The following ALK variants were observed in gnomAD, a reference collection of about 807,000 sequenced individuals.
ALK encodes ALK receptor tyrosine kinase.
A neutral mutation model predicts 163.1 loss-of-function variants in ALK; 74 were observed. The observed-to-expected ratio is 0.45, with a 90% CI of 0.38 to 0.55. ALK has a LOEUF of 0.55. Among genes scored for constraint, ALK ranks in the 20% least tolerant of loss-of-function variants. The pLI is 0.00. For synonymous variants in ALK, 960 were observed against 843.2 expected (o/e 1.14, Z -2.40); for missense variants, 2,063 against 2,105.3 (o/e 0.98, Z 0.39).
At chr2:29,633,729 C>A (rs1246207246) in intron 3 of ALK, among the ~76,000 whole-genome samples, 1 of 151,934 alleles carries the variant, frequency 6.6e-6, no homozygotes, top group Admixed American at 6.6e-5. Context: ...AGGAAGGAAA[C>A]AAGGGTTGCT....
At chr2:29,874,756 A>T (rs558959758) in intron 1 of ALK, among the ~76,000 whole-genome samples, 3 of 152,324 alleles carry the variant, frequency 2.0e-5, no homozygotes, top group South Asian at 4.1e-4. Context: ...TAATTCCCAT[A>T]TCAGAGGGGC....
At chr2:29,243,231 C>T (rs553339425) in intron 12 of ALK, among the ~76,000 whole-genome samples, 107 of 152,254 alleles carry the variant, frequency 7.0e-4, no homozygotes, top group African/African-American at 2.5e-3. Flanking sequence ...TCGACTGACC[C>T]CAAGAAGAAG....
chr2:29,602,157 AGGATG>A (rs1345459116), intron 3 of ALK, among the ~76,000 whole-genome samples: 1 of 152,192 alleles, frequency 6.6e-6, no homozygotes, highest in Admixed American at 6.5e-5. Context: ...TTTTGCCAGC[AGGATG>A]GGATTTATCA....
intron 4 of ALK, among the ~76,000 whole-genome samples, chr2:29,514,599 T>C (rs1672613272): frequency 6.6e-6 from 1 of 152,194 alleles, no homozygotes; most frequent in Admixed American, 6.5e-5. Flanking sequence ...TCCTCTTGGA[T>C]GTTTATAAGT....
chr2:29,232,618 C>T (rs1272199836), intron 14 of ALK, among the ~76,000 whole-genome samples, 170 bp from the exon 15 acceptor site: 3 of 152,208 alleles, frequency 2.0e-5, no homozygotes, highest in Non-Finnish European at 4.4e-5. Context: ...TACAATAGCC[C>T]ATCGGCTCCG....
At chr2:29,290,453 T>C (rs905418072) in intron 9 of ALK, among the ~76,000 whole-genome samples, 1 of 152,158 alleles carries the variant, frequency 6.6e-6, no homozygotes, top group African/African-American at 2.4e-5. Context: ...CATCCCTTTT[T>C]CCTGAGGTGG....
intron 1 of ALK, among the ~76,000 whole-genome samples, chr2:29,736,408 G>C (rs937653263): frequency 6.6e-6 from 1 of 151,664 alleles, no homozygotes; most frequent in Non-Finnish European, 1.5e-5. Flanking sequence ...ATCCAGGGTG[G>C]AAATAAAGTA....
intron 3 of ALK, among the ~76,000 whole-genome samples, chr2:29,539,517 C>T (rs1006360775): frequency 6.6e-6 from 1 of 151,902 alleles, no homozygotes; most frequent in South Asian, 2.1e-4. Context: ...TTTGATTATT[C>T]TCAAAAAAAG....
chr2:29,387,974 A>G (rs757742153), intron 4 of ALK, among the ~76,000 whole-genome samples: 1 of 152,244 alleles, frequency 6.6e-6, no homozygotes, highest in Non-Finnish European at 1.5e-5. Context: ...AGAGAAGAAT[A>G]TGTCTACTTA....
chr2:29,845,028 AC>A, intron 1 of ALK, among the ~76,000 whole-genome samples: 1 of 151,818 alleles, frequency 6.6e-6, no homozygotes. Flanking sequence ...TTCATAACCA[AC>A]CCAGTCTCAG....
chr2:29,775,096 A>C (rs779937812), intron 1 of ALK, among the ~76,000 whole-genome samples: 24 of 152,178 alleles, frequency 1.6e-4, no homozygotes, highest in Non-Finnish European at 2.9e-4. Context: ...AAATAAAAAG[A>C]ATTCTTATTT....
intron 3 of ALK, among the ~76,000 whole-genome samples, chr2:29,641,457 G>A (rs1306265181): frequency 6.6e-6 from 1 of 152,154 alleles, no homozygotes; most frequent in Admixed American, 6.5e-5. Flanking sequence ...AGTTGGATCT[G>A]CTGAACAGCC....
At chr2:29,378,118 G>A (rs768093174) in intron 5 of ALK, among the ~76,000 whole-genome samples, 3 of 152,176 alleles carry the variant, frequency 2.0e-5, no homozygotes, top group African/African-American at 7.2e-5. Flanking sequence ...TTTTTCATGG[G>A]GGAGCTCCTT....
intron 4 of ALK, among the ~76,000 whole-genome samples, chr2:29,393,029 A>AAGGTCACTGAG (rs1558304962): frequency 2.6e-3 from 24 of 9,310 alleles, no homozygotes; most frequent in African/African-American, 5.7e-3. Context: ...AGGTCACTGA[A>AAGGTCACTGAG]TGTTCAAGGT....
At chr2:29,284,442 T>C (rs1283665060) in intron 9 of ALK, among the ~76,000 whole-genome samples, 2 of 152,210 alleles carry the variant, frequency 1.3e-5, no homozygotes, top group African/African-American at 2.4e-5. Context: ...GGCTACATTT[T>C]CCGAGACATT....
At chr2:29,345,232 A>C (rs1197598717) in intron 5 of ALK, among the ~76,000 whole-genome samples, 1 of 151,814 alleles carries the variant, frequency 6.6e-6, no homozygotes, top group Non-Finnish European at 1.5e-5. Context: ...TGTCTCTACT[A>C]AAAATACAAA....
intron 3 of ALK, among the ~76,000 whole-genome samples, chr2:29,589,432 T>G (rs994649163): frequency 4.6e-5 from 7 of 152,184 alleles, no homozygotes; most frequent in African/African-American, 1.2e-4. Flanking sequence ...AAGGACAGGT[T>G]CAGGAAAAGT....
chr2:29,295,379 G>A (rs1199004349), intron 9 of ALK, among the ~76,000 whole-genome samples: 1 of 152,154 alleles, frequency 6.6e-6, no homozygotes, highest in Non-Finnish European at 1.5e-5. Flanking sequence ...CCTCTCCCAG[G>A]AGGGAGGATT....
chr2:29,216,682 A>ATGTG (rs10700255), intron 23 of ALK, among the ~76,000 whole-genome samples: 58,979 of 151,450 alleles, frequency 0.39, 13,248 homozygotes, highest in Non-Finnish European at 0.51. Flanking sequence ...TGTGTTGTGT[A>ATGTG]TATGTGGGGT....
Sources: allele counts gnomAD v4.1 joint callset (sites outside exome capture counted in the v4.1 genomes callset), GRCh38; gene constraint gnomAD v4.1.1; transcripts MANE v1.5; gene names NCBI Gene and HGNC (gene_info 2026-07-23, HGNC 2026-07-21).